The following SDK1 variants were observed in gnomAD, a reference collection of about 807,000 sequenced individuals.
SDK1 encodes the protein protein sidekick-1.
SDK1 carries 157 observed loss-of-function variants against 245.5 expected under a neutral mutation model. The observed-to-expected ratio is 0.64, with a 90% CI of 0.56 to 0.73. The LOEUF (loss-of-function observed/expected upper bound fraction) is 0.73. SDK1 is among the 30% of genes least tolerant of loss of function. SDK1 has a pLI of 0.00. For synonymous variants in SDK1, 1,647 were observed against 1,278.5 expected (o/e 1.29, Z -6.15); for missense variants, 3,583 against 3,002.3 (o/e 1.19, Z -4.52).
At chr7:3,683,409 C>T (rs931288549) in intron 4 of SDK1, among the ~76,000 whole-genome samples, 28 of 151,982 alleles carry the variant, frequency 1.8e-4, no homozygotes, top group African/African-American at 6.5e-4. Flanking sequence ...ATTTTTGAGG[C>T]GAGTAGGTAG....
intron 4 of SDK1, among the ~76,000 whole-genome samples, chr7:3,777,147 C>T (rs1019344063): frequency 3.9e-5 from 6 of 152,178 alleles, no homozygotes; most frequent in African/African-American, 1.4e-4. Context: ...ATAAAAGTGT[C>T]ACTGTAGGGC....
intron 1 of SDK1, among the ~76,000 whole-genome samples, chr7:3,371,977 C>A (rs947757338): frequency 6.6e-6 from 1 of 152,142 alleles, no homozygotes; most frequent in African/African-American, 2.4e-5. Context: ...AGGTTTGTCT[C>A]AGGTATCTTG....
chr7:3,410,900 T>C (rs530088534), intron 1 of SDK1, among the ~76,000 whole-genome samples: 1 of 152,228 alleles, frequency 6.6e-6, no homozygotes, highest in East Asian at 1.9e-4. Flanking sequence ...ACCATATTCT[T>C]AACTCTGCTT....
intron 4 of SDK1, among the ~76,000 whole-genome samples, chr7:3,699,742 T>C (rs949827556): frequency 2.6e-5 from 4 of 152,118 alleles, no homozygotes; most frequent in Admixed American, 6.5e-5. Flanking sequence ...TGGTTAAAGA[T>C]TTCCTGAATA....
intron 32 of SDK1, among the ~76,000 whole-genome samples, chr7:4,169,661 C>T (rs568120235): frequency 3.3e-5 from 5 of 152,312 alleles, no homozygotes; most frequent in Admixed American, 1.3e-4. Context: ...GAATATATTC[C>T]CCAAGGGGCG....
chr7:4,064,917 A>G (rs1326915405), intron 19 of SDK1, among the ~76,000 whole-genome samples: 2 of 152,144 alleles, frequency 1.3e-5, no homozygotes, highest in Non-Finnish European at 1.5e-5. Flanking sequence ...TCGGTGGAGC[A>G]GGGTGGTGGG....
chr7:4,021,812 G>A (rs1054679858), intron 17 of SDK1, among the ~76,000 whole-genome samples: 4 of 152,222 alleles, frequency 2.6e-5, no homozygotes, highest in African/African-American at 9.7e-5. Flanking sequence ...TCTGTCCCTT[G>A]TTAAGGAAGG....
intron 5 of SDK1, among the ~76,000 whole-genome samples, chr7:3,944,697 T>G (rs1195422014): frequency 6.6e-6 from 1 of 152,218 alleles, no homozygotes; most frequent in Non-Finnish European, 1.5e-5. Flanking sequence ...TCTGTTGACC[T>G]CTTCTTGCTT....
chr7:3,754,519 A>G (rs1300506721), intron 4 of SDK1, among the ~76,000 whole-genome samples: 1 of 147,842 alleles, frequency 6.8e-6, no homozygotes, highest in Admixed American at 6.6e-5. Context: ...GTATCTGTCA[A>G]AGAAAAGTTT....
intron 4 of SDK1, among the ~76,000 whole-genome samples, chr7:3,705,355 A>C (rs978407059): frequency 2.0e-5 from 3 of 150,328 alleles, no homozygotes; most frequent in Admixed American, 2.0e-4. Context: ...GTCATCTATG[A>C]TTTTTTTCAG....
intron 1 of SDK1, among the ~76,000 whole-genome samples, chr7:3,440,557 C>G (rs148949940): frequency 2.6e-5 from 4 of 152,108 alleles, no homozygotes; most frequent in African/African-American, 7.2e-5. Flanking sequence ...TGCTTGTGTT[C>G]AAGTAACCCT....
chr7:3,951,660 G>A, intron 6 of SDK1, 70 bp from the exon 7 acceptor site: 1 of 1,410,242 alleles, frequency 7.1e-7, no homozygotes, highest in Non-Finnish European at 9.9e-7. Context: ...TGTGCCGAGT[G>A]CCTGAGATGA....
chr7:4,066,625 A>T (rs185983972), intron 19 of SDK1, among the ~76,000 whole-genome samples: 2 of 152,248 alleles, frequency 1.3e-5, no homozygotes, highest in East Asian at 3.9e-4. Flanking sequence ...ATAGCCAGGC[A>T]TCCTCTCCTC....
rs372001920 is a variant in SDK1 at position 4,062,375 on chromosome 7, T to C, written c.2912-5463T>C. ...GAAAACCTAGGAGAAATGGATAAAT[T>C]CCTGAACACATACAACCTACCAAGA... On this transcript the variant is annotated intron_variant, in intron 19 of 44. Coordinates refer to ENST00000404826, the MANE Select transcript of SDK1 (RefSeq NM_152744.4). Among the ~76,000 whole-genome samples, 552 of 151,858 alleles carry C rather than the reference T, an allele frequency of 3.6e-3. 6 individuals are homozygous for C. In the South Asian group the frequency reaches 0.039, roughly 11 times the overall value.
intron 19 of SDK1, among the ~76,000 whole-genome samples, chr7:4,061,515 C>T (rs1286950863): frequency 6.6e-6 from 1 of 151,970 alleles, no homozygotes; most frequent in Non-Finnish European, 1.5e-5. Flanking sequence ...GAAATAGGAA[C>T]ACTTTTACAT....
chr7:3,467,912 A>G (rs974291406), intron 1 of SDK1, among the ~76,000 whole-genome samples: 2 of 152,084 alleles, frequency 1.3e-5, no homozygotes, highest in Non-Finnish European at 2.9e-5. Flanking sequence ...GAGATCTTTT[A>G]TGTAGTTATT....
chr7:4,077,511 G>A (rs535056436), intron 21 of SDK1, among the ~76,000 whole-genome samples: 21 of 152,266 alleles, frequency 1.4e-4, no homozygotes, highest in Middle Eastern at 6.8e-3. Flanking sequence ...AAACAGTAGC[G>A]ATGATTGTAT....
chr7:3,312,245 A>G (rs959356595), intron 1 of SDK1, among the ~76,000 whole-genome samples: 1 of 152,228 alleles, frequency 6.6e-6, no homozygotes, highest in Admixed American at 6.5e-5. Context: ...GGAAATGAAT[A>G]GAGCCCTCAG....
chr7:4,136,506 G>T (rs541425813), intron 28 of SDK1, among the ~76,000 whole-genome samples: 1 of 152,220 alleles, frequency 6.6e-6, no homozygotes, highest in African/African-American at 2.4e-5. Context: ...GATTAACAGC[G>T]TGAACCACAG....
Sources: allele counts gnomAD v4.1 joint callset (sites outside exome capture counted in the v4.1 genomes callset), GRCh38; gene constraint gnomAD v4.1.1; transcripts MANE v1.5; gene names NCBI Gene and HGNC (gene_info 2026-07-23, HGNC 2026-07-21).